The following IREB2 variants were observed in gnomAD, a reference collection of about 807,000 sequenced individuals.
IREB2 encodes the protein iron responsive element binding protein 2.
Under a neutral mutation model 118.8 loss-of-function variants are expected in IREB2, and 39 were observed. That is an observed-to-expected ratio of 0.33 (90% CI 0.25 to 0.43). IREB2 has a LOEUF of 0.43. Ranked by LOEUF, IREB2 falls within the 20% of genes least tolerant of loss-of-function variation. The probability of loss-of-function intolerance (pLI) is 1.00; values close to 1 mark genes in which losing one functional copy is unlikely to be tolerated. For missense variants in IREB2, 900 were observed against 1,147.3 expected (o/e 0.78, Z 3.11); for synonymous variants, 372 against 392.2 (o/e 0.95, Z 0.61).
rs761443468 is a variant in IREB2, at chr15:78,497,320, A to C, written c.2781+9A>C. ...TTACATTGAATATACAGGTATCTCT[A>C]AATTTTTCAAATATATGATTATGCA... On this transcript the variant is annotated intron_variant, in intron 21 of 21. Transcript: ENST00000258886. 1.9e-6 allele frequency: 3 copies of C among 1,581,284 alleles called. No homozygotes were observed. In the African/African-American group the frequency reaches 4.0e-5, roughly 21 times the overall value.
At chr15:78,467,691 G>GA (rs989045889) in intron 5 of IREB2, among the ~76,000 whole-genome samples, 244 of 144,392 alleles carry the variant, frequency 1.7e-3, no homozygotes, top group Non-Finnish European at 2.5e-3. Context: ...CTCTGTCTCA[G>GA]AAAAAAAAAA....
At chr15:78,485,114 C>G (rs1045744319) in intron 12 of IREB2, among the ~76,000 whole-genome samples, 194 bp downstream of exon 12, 2 of 152,190 alleles carry the variant, frequency 1.3e-5, no homozygotes, top group African/African-American at 2.4e-5. Flanking sequence ...GGTAAATTTA[C>G]TGTTTACTAT....
At chr15:78,460,883 C>A (rs2051185443) in intron 2 of IREB2, among the ~76,000 whole-genome samples, 1 of 151,968 alleles carries the variant, frequency 6.6e-6, no homozygotes, top group African/African-American at 2.4e-5. Context: ...CTATTGGAAA[C>A]TGAAAAACAC....
At chr15:78,467,724 T>G (rs1192305757) in intron 5 of IREB2, among the ~76,000 whole-genome samples, 1 of 152,140 alleles carries the variant, frequency 6.6e-6, no homozygotes, top group Non-Finnish European at 1.5e-5. Flanking sequence ...TTTTAAAATA[T>G]GTACTATAAA....
At chr15:78,477,417 T>A (rs190224406) in intron 9 of IREB2, among the ~76,000 whole-genome samples, 1 of 152,330 alleles carries the variant, frequency 6.6e-6, no homozygotes, top group African/African-American at 2.4e-5. Context: ...TGCTTGCATG[T>A]CTAACAGCAA....
At chr15:78,488,020 T>C (rs1232949574) in intron 14 of IREB2, among the ~76,000 whole-genome samples, 160 bp from the exon 15 acceptor site, 1 of 152,232 alleles carries the variant, frequency 6.6e-6, no homozygotes, top group Non-Finnish European at 1.5e-5. Context: ...GGAATTGATT[T>C]AGTTTATTTG....
intron 9 of IREB2, chr15:78,476,562 A>T: frequency 2.6e-6 from 1 of 387,230 alleles, no homozygotes; most frequent in South Asian, 5.8e-5. Context: ...ATTGAAAGCA[A>T]TTTAAAGGAA....
At chr15:78,478,429 G>C (rs143607853) in intron 10 of IREB2, 32 bp downstream of exon 10, 1 of 1,305,314 alleles carries the variant, frequency 7.7e-7, no homozygotes, top group Admixed American at 1.7e-5. Context: ...TCGTAGCAAA[G>C]AGTGTAAATT....
intron 3 of IREB2, among the ~76,000 whole-genome samples, chr15:78,464,567 T>C (rs1192389934): frequency 6.6e-6 from 1 of 152,242 alleles, no homozygotes; most frequent in East Asian, 1.9e-4. Context: ...AATAGGTTTC[T>C]CAAACTTAAC....
intron 5 of IREB2, among the ~76,000 whole-genome samples, chr15:78,468,073 C>G (rs546898349): frequency 5.9e-5 from 9 of 152,208 alleles, no homozygotes; most frequent in Admixed American, 2.0e-4. Flanking sequence ...AGACTGGTCT[C>G]GAACTCCTGG....
chr15:78,441,716 T>C (rs1358165958), intron 2 of IREB2, among the ~76,000 whole-genome samples: 1 of 152,138 alleles, frequency 6.6e-6, no homozygotes, highest in Non-Finnish European at 1.5e-5. Flanking sequence ...CCCTGGGAAA[T>C]AAGTTGTCAT....
chr15:78,471,172 G>A (rs1372108631), intron 6 of IREB2, among the ~76,000 whole-genome samples: 1 of 151,216 alleles, frequency 6.6e-6, no homozygotes, highest in Non-Finnish European at 1.5e-5. Context: ...CCACTGCCTG[G>A]CTATTTTTGT....
In IREB2 at chr15:78,462,876, T is replaced by C. The variant is rs753314937; in HGVS notation, c.107-46T>C. On this transcript the variant is annotated intron_variant, in intron 2 of 21. Transcript: ENST00000258886. ...GCTATGGCATTTTAAAAATAATATA[T>C]AGGTATGACTGTTTGCTTATTAATA... 4 of 1,367,472 alleles carry C rather than the reference T, an allele frequency of 2.9e-6. No individual in the cohort carries two copies. In the African/African-American group the frequency reaches 5.9e-5, roughly 20 times the overall value. 84.7% of individuals were successfully genotyped at this position (1,367,472 alleles called of 1,614,324 possible).
chr15:78,485,339 T>TA (rs1185792898), intron 12 of IREB2, among the ~76,000 whole-genome samples: 1 of 152,210 alleles, frequency 6.6e-6, no homozygotes, highest in Non-Finnish European at 1.5e-5. Context: ...CTTAGTTGTA[T>TA]AAAACCATGT....
intron 2 of IREB2, among the ~76,000 whole-genome samples, chr15:78,442,986 G>C (rs976629869): frequency 1.3e-5 from 2 of 152,154 alleles, no homozygotes; most frequent in African/African-American, 4.8e-5. Context: ...CTTCAAGAAG[G>C]CTGAAAGATG....
intron 14 of IREB2, 107 bp downstream of exon 14, chr15:78,487,924 C>A: frequency 1.4e-6 from 1 of 721,768 alleles, no homozygotes; most frequent in Non-Finnish European, 2.3e-6. Flanking sequence ...GTAAACTCTG[C>A]ACCTCTTGGC....
chr15:78,448,396 C>G (rs550863821), intron 2 of IREB2, among the ~76,000 whole-genome samples: 1 of 152,304 alleles, frequency 6.6e-6, no homozygotes, highest in South Asian at 2.1e-4. Context: ...CTCCCTGCCT[C>G]AGCTTCCCAA....
intron 11 of IREB2, 119 bp from the exon 12 acceptor site, chr15:78,484,642 C>CA: frequency 1.4e-6 from 1 of 696,552 alleles, no homozygotes; most frequent in South Asian, 2.2e-5. Flanking sequence ...GCATCACTCA[C>CA]AAAAAGGATT....
At chr15:78,496,179 A>C (rs769473834) in intron 20 of IREB2, among the ~76,000 whole-genome samples, 15 of 152,078 alleles carry the variant, frequency 9.9e-5, no homozygotes, top group Non-Finnish European at 2.1e-4. Context: ...TAAATCACTT[A>C]CCTATCTCTG....
Sources: allele counts gnomAD v4.1 joint callset (sites outside exome capture counted in the v4.1 genomes callset), GRCh38; gene constraint gnomAD v4.1.1; transcripts MANE v1.5; gene names NCBI Gene and HGNC (gene_info 2026-07-23, HGNC 2026-07-21).